Variants in HK1 observed in about 807,000 individuals in gnomAD.
HK1 encodes hexokinase 1.
A neutral mutation model predicts 91.6 loss-of-function variants in HK1; 28 were observed. The observed-to-expected ratio is 0.31, with a 90% CI of 0.23 to 0.42. The LOEUF is 0.42. Ranked by LOEUF, HK1 falls within the 10% of genes least tolerant of loss-of-function variation. The pLI, the probability that HK1 is intolerant of heterozygous loss-of-function variation, is 1.00. For missense variants in HK1, 770 were observed against 1,219.8 expected, an observed-to-expected ratio of 0.63 and a Z score of 5.49; for synonymous variants, 430 against 468.1, an observed-to-expected ratio of 0.92 and a Z score of 1.05.
intron 3 of HK1, chr10:69,292,298 C>T (rs1025266448): frequency 2.3e-6 from 1 of 428,876 alleles, no homozygotes; most frequent in Non-Finnish European, 4.6e-6. Context: ...TTCTTAAATC[C>T]CTGGCGTCAA....
intron 12 of HK1, among the ~76,000 whole-genome samples, chr10:69,385,430 C>T (rs958411542): frequency 4.6e-5 from 7 of 152,232 alleles, no homozygotes; most frequent in Admixed American, 3.9e-4. Flanking sequence ...CAGCTCCTGT[C>T]CTTTGGAAGG....
chr10:69,384,390 T>C lies in HK1; in HGVS notation c.1628T>C (p.Val543Ala). The C allele has an allele frequency of 6.2e-7, 1 of 1,614,206 alleles. No individual in the cohort carries two copies. Among genetic ancestry groups the C allele is most frequent in the South Asian group, 1.1e-5 (1 of 91,086 alleles). The change falls in exon 11 of 18, where the codon GTG becomes GCG. Residue 543 changes from valine to alanine, a missense_variant. Transcript: ENST00000359426. Reference protein sequence around the residue: ...LGGTNFRVLLVKIRSGKKRTV... With the variant: ...LGGTNFRVLLAKIRSGKKRTV... ...GGAACCAATTTCCGTGTGCTGCTGG[T>C]GAAAATCCGTAGTGGGAAAAAGAGA...
At chr10:69,361,852 T>C (rs1470126102) in intron 3 of HK1, among the ~76,000 whole-genome samples, 3 of 152,170 alleles carry the variant, frequency 2.0e-5, no homozygotes, top group African/African-American at 7.2e-5. Flanking sequence ...AGTTTTACTC[T>C]TGTTGCCCAG....
chr10:69,364,919 A>G lies in HK1; in HGVS notation c.495+17A>G, dbSNP rs760246030. The G allele has an allele frequency of 1.2e-6, 2 of 1,614,002 alleles. No individual in the cohort carries two copies. Among genetic ancestry groups the G allele is most frequent in the East Asian group, 2.2e-5 (1 of 44,880 alleles). On this transcript the variant is annotated intron_variant, in intron 4 of 17. Transcript: ENST00000359426. ...ATAGATGAGGTAAGGATGTTCTGGG[A>G]TTATCGGGCTCTGCAGATGCCCCGG...
upstream of HK1, chr10:69,316,096 G>C (rs1846626957): frequency 5.3e-6 from 6 of 1,130,468 alleles, no homozygotes; most frequent in Non-Finnish European, 8.1e-6. Context: ...GGTGAGTGGA[G>C]AAGGCAGGGC....
intron 1 of HK1, among the ~76,000 whole-genome samples, chr10:69,341,719 GTTCTA>G: frequency 6.6e-6 from 1 of 151,828 alleles, no homozygotes; most frequent in East Asian, 1.9e-4. Context: ...GCCTTGCAAA[GTTCTA>G]GAATTACAGG....
chr10:69,272,394 T>TA (rs1440063711), intron 1 of HK1, among the ~76,000 whole-genome samples: 1 of 152,228 alleles, frequency 6.6e-6, no homozygotes, highest in Non-Finnish European at 1.5e-5. Flanking sequence ...AGCTGGCACT[T>TA]ATTTAGAGAC....
chr10:69,400,872 C>T lies in HK1; in HGVS notation c.2610-119C>T, dbSNP rs146693766. 5.7e-4 allele frequency: 613 copies of T among 1,081,010 alleles called. 2 individuals carry two copies. Among genetic ancestry groups the T allele is most frequent in the South Asian group, 9.1e-4 (72 of 79,236 alleles). 67.0% of individuals were successfully genotyped at this position (1,081,010 alleles called of 1,614,324 possible). Reference sequence around the variant, plus strand: ...TGTCCTGATAAACCCATCACAAAGTCGAAGAATCCTAAGTCGAATCATCAC... The same window carrying T: ...TGTCCTGATAAACCCATCACAAAGTTGAAGAATCCTAAGTCGAATCATCAC... On this transcript the variant is annotated intron_variant, in intron 17 of 17. Coordinates refer to ENST00000359426, the MANE Select transcript of HK1 (RefSeq NM_000188.3).
intron 4 of HK1, chr10:69,296,364 G>C (rs1845563296): frequency 6.5e-6 from 1 of 153,104 alleles, no homozygotes; most frequent in Non-Finnish European, 1.5e-5. Context: ...AGTCCCAGGT[G>C]AGGGCCAAAG....
At chr10:69,385,239 CTT>C (rs146684341) in intron 12 of HK1, among the ~76,000 whole-genome samples, 6,623 of 152,280 alleles carry the variant, frequency 0.043, 215 homozygotes, top group Middle Eastern at 0.085. Context: ...TTCTTAGTGT[CTT>C]TTGTTTCTGC....
upstream of HK1, chr10:69,315,671 G>A: frequency 2.0e-6 from 1 of 504,668 alleles, no homozygotes; most frequent in Non-Finnish European, 3.6e-6. Context: ...CAGCAGTGCA[G>A]CATGGGCCCT....
chr10:69,369,262 T>C lies in HK1; in HGVS notation c.617T>C (p.Val206Ala). The change falls in exon 6 of 18, where the codon GTG becomes GCG. Residue 206 changes from valine to alanine, a missense_variant. Coordinates refer to ENST00000359426, the MANE Select transcript of HK1 (RefSeq NM_000188.3). The surrounding 1 kb of genome is among the most constrained non-coding windows in gnomAD (Gnocchi z 4.4). ...RGDYDANIVA[V>A]VNDTVGTMMT... ...GACTATGATGCCAACATCGTAGCTG[T>C]GGTGAATGACACAGTGGGCACCATG... 1.2e-6 allele frequency: 2 copies of C among 1,614,128 alleles called. No homozygotes were observed. Among genetic ancestry groups the C allele is most frequent in the African/African-American group, 2.7e-5 (2 of 75,060 alleles).
At chr10:69,367,104 C>T (rs1251391877) in intron 4 of HK1, among the ~76,000 whole-genome samples, 1 of 152,178 alleles carries the variant, frequency 6.6e-6, no homozygotes, top group Non-Finnish European at 1.5e-5. Context: ...GAATGACTTC[C>T]TGGGCACGAG....
At chr10:69,399,588 G>A (rs1217211762) in intron 17 of HK1, among the ~76,000 whole-genome samples, 2 of 152,128 alleles carry the variant, frequency 1.3e-5, no homozygotes, top group African/African-American at 4.8e-5. Flanking sequence ...TTGGAAGGGC[G>A]GGAGCGGTTT....
At chr10:69,326,648 T>G (rs909839828) in intron 1 of HK1, among the ~76,000 whole-genome samples, 1 of 152,234 alleles carries the variant, frequency 6.6e-6, no homozygotes, top group Non-Finnish European at 1.5e-5. Flanking sequence ...AATTTTTTAT[T>G]ATGAAATATT....
intron 1 of HK1, among the ~76,000 whole-genome samples, chr10:69,277,752 G>C (rs759090819): frequency 4.6e-5 from 7 of 152,020 alleles, no homozygotes; most frequent in Non-Finnish European, 1.0e-4. Flanking sequence ...GTTTGTTTTA[G>C]GCCAGGCACA....
intron 2 of HK1, among the ~76,000 whole-genome samples, chr10:69,282,999 GC>G (rs1172528573): frequency 2.7e-5 from 4 of 150,606 alleles, no homozygotes; most frequent in African/African-American, 9.8e-5. Context: ...GGTGGCAGGC[GC>G]CTGTAATCCC....
intron 1 of HK1, among the ~76,000 whole-genome samples, chr10:69,280,368 C>T (rs569039681): frequency 2.0e-5 from 3 of 152,314 alleles, no homozygotes; most frequent in African/African-American, 4.8e-5. Context: ...TTGCCCACCT[C>T]GGCCTCCCAA....
At chr10:69,394,859 A>T in intron 15 of HK1, 91 bp from the exon 16 acceptor site, 1 of 1,276,534 alleles carries the variant, frequency 7.8e-7, no homozygotes, top group South Asian at 1.2e-5. Flanking sequence ...CTTGAGGGGC[A>T]GTAGGAGACG....
Sources: gnomAD v4.1 joint callset for allele counts (sites outside exome capture counted in the v4.1 genomes callset) on GRCh38, gnomAD v4.1.1 for gene constraint, Gnocchi (gnomAD v3.1) non-coding constraint, MANE v1.5 for transcripts, NCBI Gene and HGNC (gene_info 2026-07-23, HGNC 2026-07-21) for gene names.